SUGCT: variants seen among roughly 807,000 people sequenced by gnomAD.
The protein encoded by SUGCT is succinyl-CoA:glutarate CoA-transferase.
A neutral mutation model predicts 55.0 loss-of-function variants in SUGCT; 41 were observed. The ratio of observed to expected loss-of-function variants is 0.74; its 90% CI spans 0.58 to 0.97. SUGCT has a LOEUF of 0.97. SUGCT is among the 50% of genes least tolerant of loss of function. The pLI, the probability that SUGCT is intolerant of heterozygous loss-of-function variation, is 0.00. For missense variants in SUGCT, 568 were observed against 547.8 expected (o/e 1.04, Z -0.37); for synonymous variants, 187 against 200.4 (o/e 0.93, Z 0.56).
intron 8 of SUGCT, among the ~76,000 whole-genome samples, chr7:40,291,305 C>T (rs1380932717): frequency 6.6e-6 from 1 of 151,540 alleles, no homozygotes; most frequent in Non-Finnish European, 1.5e-5. Flanking sequence ...CACATATACA[C>T]CATGGAATAC....
chr7:40,866,030 G>A, the SUGCT span, among the ~76,000 whole-genome samples: 12 of 152,080 alleles, frequency 7.9e-5, no homozygotes, highest in African/African-American at 2.4e-4. Context: ...CATAGATTGG[G>A]GGAACAGTGT....
At chr7:40,632,807 A>G (rs1014462286) in intron 12 of SUGCT, among the ~76,000 whole-genome samples, 5 of 152,190 alleles carry the variant, frequency 3.3e-5, no homozygotes, top group Non-Finnish European at 5.9e-5. Context: ...AAAAGAGACT[A>G]GTATACAAGT....
At chr7:40,206,386 T>A (rs1422274575) in intron 6 of SUGCT, among the ~76,000 whole-genome samples, 2 of 152,222 alleles carry the variant, frequency 1.3e-5, no homozygotes, top group African/African-American at 2.4e-5. Context: ...CAGCCTTTTA[T>A]TTGAACCTCA....
chr7:40,817,141 A>G (rs559028819), intron 13 of SUGCT, among the ~76,000 whole-genome samples: 2 of 152,332 alleles, frequency 1.3e-5, no homozygotes, highest in East Asian at 1.9e-4. Context: ...GGTACAGGCA[A>G]TTCTGACTTT....
chr7:40,852,823 T>G (rs539019174), intron 13 of SUGCT, among the ~76,000 whole-genome samples: 2 of 152,222 alleles, frequency 1.3e-5, no homozygotes, highest in South Asian at 4.1e-4. Context: ...CAACTTGGTT[T>G]TTAATAATTT....
At chr7:40,978,303 C>T in the SUGCT span, among the ~76,000 whole-genome samples, 1 of 152,218 alleles carries the variant, frequency 6.6e-6, no homozygotes. Context: ...GATGGCAAGT[C>T]AGGCAGGGGT....
chr7:40,249,317 A>ATATCTATATATC (rs1562611996), intron 7 of SUGCT, among the ~76,000 whole-genome samples: 2 of 21,528 alleles, frequency 9.3e-5, no homozygotes, highest in South Asian at 1.5e-3. Flanking sequence ...AAAAAGCTAT[A>ATATCTATATATC]TATATATATA....
chr7:40,462,790 C>A (rs928366216), intron 11 of SUGCT, among the ~76,000 whole-genome samples: 2 of 152,126 alleles, frequency 1.3e-5, no homozygotes, highest in Non-Finnish European at 2.9e-5. Context: ...TGCAGACTTT[C>A]TAGAAGACAT....
intron 6 of SUGCT, among the ~76,000 whole-genome samples, chr7:40,209,659 G>A (rs943525767): frequency 6.6e-6 from 1 of 152,138 alleles, no homozygotes; most frequent in Non-Finnish European, 1.5e-5. Flanking sequence ...ATCCAGGTGT[G>A]GTGGCGCATG....
chr7:40,547,520 G>A lies in SUGCT; in HGVS notation c.1089+51134G>A, dbSNP rs1795056950. Among the ~76,000 whole-genome samples, 3 of 151,818 alleles carry A rather than the reference G, an allele frequency of 2.0e-5. No homozygotes were observed. The South Asian group carries it at 6.2e-4, about 32-fold the overall frequency. Reference sequence around the variant, plus strand: ...ACTTAATCTTATTATATCTAATTTTGGATTCAGAGAGAAAAGGAGGGAATG... The same window carrying A: ...ACTTAATCTTATTATATCTAATTTTAGATTCAGAGAGAAAAGGAGGGAATG... On this transcript the variant is annotated intron_variant, in intron 12 of 13. Transcript: ENST00000335693.
chr7:40,889,062 G>A, the SUGCT span, among the ~76,000 whole-genome samples: 174 of 152,294 alleles, frequency 1.1e-3, no homozygotes, highest in Admixed American at 2.5e-3. Context: ...AAAATGCGCC[G>A]GAGCTTGACT....
chr7:40,489,164 C>T (rs192914016), intron 11 of SUGCT, among the ~76,000 whole-genome samples: 201 of 151,220 alleles, frequency 1.3e-3, no homozygotes, highest in African/African-American at 4.4e-3. Flanking sequence ...CTCCACTGCC[C>T]GTATATTTTC....
chr7:40,587,156 A>G (rs141555321), intron 12 of SUGCT, among the ~76,000 whole-genome samples: 58 of 152,360 alleles, frequency 3.8e-4, no homozygotes, highest in African/African-American at 1.2e-3. Flanking sequence ...GGGATTAACT[A>G]TAAAGAGACA....
rs187845687 is a variant in SUGCT, at chr7:40,646,247, C to T, written c.1090-103187C>T. On this transcript the variant is annotated intron_variant, in intron 12 of 13. Coordinates refer to ENST00000335693, the MANE Select transcript of SUGCT (RefSeq NM_001193313.2). ...CTGTGACCATACTAGTTCAAGGCCC[C>T]GTTATGCTTCACTTGGGACTCCTCA... Among the ~76,000 whole-genome samples, 223 of 152,312 alleles carry T rather than the reference C, an allele frequency of 1.5e-3. 1 individual carries two copies. Among genetic ancestry groups the T allele is most frequent in the African/African-American group, 4.8e-3 (201 of 41,572 alleles).
At chr7:40,206,696 A>G (rs1786995222) in intron 6 of SUGCT, among the ~76,000 whole-genome samples, 1 of 152,212 alleles carries the variant, frequency 6.6e-6, no homozygotes, top group Admixed American at 6.5e-5. Flanking sequence ...TCTTTAAATC[A>G]TCTTTAAATT....
At chr7:40,985,035 T>C in the SUGCT span, among the ~76,000 whole-genome samples, 1 of 152,228 alleles carries the variant, frequency 6.6e-6, no homozygotes, top group Non-Finnish European at 1.5e-5. Flanking sequence ...TCACCATTTT[T>C]ACGTGGACAG....
At chr7:40,607,253 A>T (rs1370036009) in intron 12 of SUGCT, among the ~76,000 whole-genome samples, 1 of 152,002 alleles carries the variant, frequency 6.6e-6, no homozygotes, top group Admixed American at 6.6e-5. Flanking sequence ...ATAGGAATGC[A>T]CCACCACACT....
chr7:40,706,991 C>T (rs1785447972), intron 12 of SUGCT, among the ~76,000 whole-genome samples: 1 of 152,134 alleles, frequency 6.6e-6, no homozygotes, highest in Non-Finnish European at 1.5e-5. Flanking sequence ...TAGAGAACTA[C>T]CCACCCTCAT....
intron 12 of SUGCT, among the ~76,000 whole-genome samples, chr7:40,696,383 C>T (rs530730518): frequency 1.3e-5 from 2 of 152,208 alleles, no homozygotes; most frequent in South Asian, 2.1e-4. Flanking sequence ...CCTGCAACTC[C>T]AGTCATCACT....
Sources: allele counts gnomAD v4.1 joint callset (sites outside exome capture counted in the v4.1 genomes callset), GRCh38; gene constraint gnomAD v4.1.1; transcripts MANE v1.5; gene names NCBI Gene and HGNC (gene_info 2026-07-23, HGNC 2026-07-21).